Variants in C12orf42 observed in about 807,000 individuals in gnomAD.
The protein encoded by C12orf42 is uncharacterized protein C12orf42.
In C12orf42, 25 loss-of-function variants were observed where a neutral mutation model predicts 21.6. That is an observed-to-expected ratio of 1.16 (90% CI 0.84 to 1.62). The LOEUF (loss-of-function observed/expected upper bound fraction) is 1.62, where lower values mean the gene tolerates loss of function less well. C12orf42 is among the 40% of genes most tolerant of loss of function. C12orf42 has a pLI of 0.00. For synonymous variants in C12orf42, 174 were observed against 175.0 expected (o/e 0.99, Z 0.05); for missense variants, 483 against 459.3 (o/e 1.05, Z -0.47).
At chr12:103,489,289 A>T (rs1466968845) in intron 1 of C12orf42, among the ~76,000 whole-genome samples, 3 of 152,240 alleles carry the variant, frequency 2.0e-5, no homozygotes, top group African/African-American at 2.4e-5. Flanking sequence ...GCTGCAGAAC[A>T]GCAAATAATG....
At chr12:103,261,456 G>C (rs2034893783) in intron 10 of C12orf42, among the ~76,000 whole-genome samples, 2 of 148,118 alleles carry the variant, frequency 1.4e-5, no homozygotes, top group South Asian at 4.2e-4. Context: ...CACACCAGCT[G>C]GGTGACAATG....
intron 4 of C12orf42, among the ~76,000 whole-genome samples, chr12:103,283,871 T>G (rs1016137044): frequency 6.6e-6 from 1 of 152,220 alleles, no homozygotes; most frequent in African/African-American, 2.4e-5. Context: ...GCCTGTCTCC[T>G]TTCAGGTACA....
chr12:103,455,956 C>T (rs538204906), intron 2 of C12orf42, among the ~76,000 whole-genome samples: 1 of 152,134 alleles, frequency 6.6e-6, no homozygotes, highest in South Asian at 2.1e-4. Flanking sequence ...TTCCATGACA[C>T]AGAACTCTCA....
the C12orf42 span, among the ~76,000 whole-genome samples, chr12:103,092,909 C>T: frequency 6.6e-6 from 1 of 152,208 alleles, no homozygotes; most frequent in Non-Finnish European, 1.5e-5. Flanking sequence ...CGCCACCATC[C>T]TGGGTCTCCC....
the C12orf42 span, among the ~76,000 whole-genome samples, chr12:103,223,740 C>T: frequency 3.3e-5 from 5 of 152,056 alleles, no homozygotes; most frequent in Non-Finnish European, 7.4e-5. Flanking sequence ...TGCAATGAGA[C>T]TGGGGCCTAA....
At chr12:103,162,366 A>G in the C12orf42 span, among the ~76,000 whole-genome samples, 5 of 152,152 alleles carry the variant, frequency 3.3e-5, no homozygotes, top group African/African-American at 4.8e-5. Flanking sequence ...TCATGGAAAG[A>G]GTGCTCAGGT....
At position 103,330,244 on chromosome 12, in the gene C12orf42, C is replaced by T. The variant is rs1180816080; in HGVS notation, c.260-23899G>A. On this transcript the variant is annotated intron_variant, in intron 4 of 5. Transcript: ENST00000548883. Reference sequence around the variant, plus strand: ...ATTTAAAAGAATTTAATAAGCCTACCCAATTCCAGATGAACCTGTGTACAA... The same window carrying T: ...ATTTAAAAGAATTTAATAAGCCTACTCAATTCCAGATGAACCTGTGTACAA... Among the ~76,000 whole-genome samples the T allele has an allele frequency of 2.0e-5, 3 of 152,128 alleles. No individual in the cohort carries two copies. The South Asian group carries it at 6.2e-4, about 32-fold the overall frequency.
the C12orf42 span, among the ~76,000 whole-genome samples, chr12:103,542,847 A>C: frequency 5.9e-5 from 9 of 152,330 alleles, no homozygotes; most frequent in African/African-American, 1.9e-4. Context: ...AAGGTCTACT[A>C]TCTGAGGAGG....
chr12:103,111,089 T>G, the C12orf42 span, among the ~76,000 whole-genome samples: 1 of 152,216 alleles, frequency 6.6e-6, no homozygotes, highest in African/African-American at 2.4e-5. Flanking sequence ...GAATTTAACC[T>G]AGTTTGGGGT....
the C12orf42 span, among the ~76,000 whole-genome samples, chr12:103,180,991 C>T: frequency 0.1 from 15,435 of 151,714 alleles, 938 homozygotes; most frequent in East Asian, 0.19. Flanking sequence ...GGGTTGGGTG[C>T]GGTGGGTCAC....
At chr12:103,550,620 C>T in the C12orf42 span, 1 of 152,134 alleles carries the variant, frequency 6.6e-6, no homozygotes, top group Non-Finnish European at 1.5e-5. Flanking sequence ...ACATTTATTA[C>T]ATCTTTGCTA....
downstream of C12orf42, among the ~76,000 whole-genome samples, chr12:103,265,317 C>T (rs1048277818): frequency 6.6e-6 from 1 of 152,116 alleles, no homozygotes; most frequent in Non-Finnish European, 1.5e-5. Flanking sequence ...AAGTATTTAT[C>T]AAATGTCTTC....
intron 10 of C12orf42, among the ~76,000 whole-genome samples, chr12:103,252,959 A>C (rs2034383312): frequency 6.6e-6 from 1 of 152,088 alleles, no homozygotes; most frequent in Non-Finnish European, 1.5e-5. Flanking sequence ...TAAGTCTTTA[A>C]TCCATCTTGA....
the C12orf42 span, among the ~76,000 whole-genome samples, chr12:103,112,340 G>T: frequency 6.6e-6 from 1 of 152,244 alleles, no homozygotes; most frequent in African/African-American, 2.4e-5. Flanking sequence ...CATTTTGATA[G>T]GTGGTCAGAT....
chr12:103,254,607 C>A (rs1215222794), intron 10 of C12orf42, among the ~76,000 whole-genome samples: 1 of 152,200 alleles, frequency 6.6e-6, no homozygotes, highest in Non-Finnish European at 1.5e-5. Context: ...ATATCATGTC[C>A]TTTACAGGGA....
the C12orf42 span, among the ~76,000 whole-genome samples, chr12:103,157,095 T>C: frequency 6.6e-6 from 1 of 152,176 alleles, no homozygotes; most frequent in East Asian, 1.9e-4. Context: ...CTACCAACAG[T>C]GTAAAAGCGT....
At chr12:103,471,214 A>C (rs1188696257) in intron 2 of C12orf42, among the ~76,000 whole-genome samples, 1 of 152,182 alleles carries the variant, frequency 6.6e-6, no homozygotes, top group Non-Finnish European at 1.5e-5. Context: ...AATATATACA[A>C]TATATAATAT....
the C12orf42 span, chr12:103,164,700 TC>T: frequency 2.2e-6 from 1 of 455,152 alleles, no homozygotes; most frequent in Non-Finnish European, 4.4e-6. Flanking sequence ...GATTCAAAGC[TC>T]TTGGAGAGCG....
chr12:103,522,051 T>G, the C12orf42 span, among the ~76,000 whole-genome samples: 1 of 152,160 alleles, frequency 6.6e-6, no homozygotes, highest in Non-Finnish European at 1.5e-5. Flanking sequence ...GGTGATATGG[T>G]TTGGCTGTGT....
Sources: allele counts gnomAD v4.1 joint callset (sites outside exome capture counted in the v4.1 genomes callset), GRCh38; gene constraint gnomAD v4.1.1; transcripts MANE v1.5; gene names NCBI Gene and HGNC (gene_info 2026-07-23, HGNC 2026-07-21).